Variants in IRAK1BP1 observed in about 807,000 individuals in gnomAD.
IRAK1BP1 encodes the protein interleukin 1 receptor associated kinase 1 binding protein 1.
A neutral mutation model predicts 28.0 loss-of-function variants in IRAK1BP1; 24 were observed. That is an observed-to-expected ratio of 0.86 (90% CI 0.62 to 1.20). The LOEUF is 1.20. Among genes scored for constraint, IRAK1BP1 ranks in the 50% most tolerant of loss-of-function variants. IRAK1BP1 has a pLI of 0.00. For missense variants in IRAK1BP1, 336 were observed against 316.7 expected, an observed-to-expected ratio of 1.06 and a Z score of -0.46; for synonymous variants, 131 against 116.3, an observed-to-expected ratio of 1.13 and a Z score of -0.81.
chr6:78,910,946 G>T (rs549848300), intron 4 of IRAK1BP1, among the ~76,000 whole-genome samples: 5 of 152,234 alleles, frequency 3.3e-5, no homozygotes, highest in Non-Finnish European at 7.3e-5. Flanking sequence ...TACTGGCACC[G>T]GGTCCTGGAC....
At chr6:78,961,561 T>C in the IRAK1BP1 span, 2 of 831,940 alleles carry the variant, frequency 2.4e-6, no homozygotes, top group African/African-American at 3.6e-5. Context: ...TTCTACATTT[T>C]AACATAATCC....
At chr6:78,876,241 T>C (rs570638663) in intron 1 of IRAK1BP1, among the ~76,000 whole-genome samples, 12 of 152,330 alleles carry the variant, frequency 7.9e-5, no homozygotes, top group Non-Finnish European at 1.6e-4. Context: ...TGCCAACATG[T>C]AAGACGTGCC....
At chr6:78,889,273 C>T (rs559390698) in intron 2 of IRAK1BP1, among the ~76,000 whole-genome samples, 1 of 151,876 alleles carries the variant, frequency 6.6e-6, no homozygotes, top group Non-Finnish European at 1.5e-5. Context: ...AAATATTAAA[C>T]TCAAGATGGG....
the IRAK1BP1 span, among the ~76,000 whole-genome samples, chr6:78,973,955 T>C: frequency 6.6e-6 from 1 of 151,918 alleles, no homozygotes; most frequent in East Asian, 1.9e-4. Flanking sequence ...CTGTCAACAT[T>C]AGACAGATCA....
intron 4 of IRAK1BP1, among the ~76,000 whole-genome samples, chr6:78,943,757 G>A (rs1773637071): frequency 2.0e-5 from 3 of 151,970 alleles, no homozygotes; most frequent in South Asian, 4.1e-4. Flanking sequence ...GAGGCCGAGT[G>A]GGGTGGATCA....
chr6:78,929,665 C>A (rs1038347674), intron 4 of IRAK1BP1, among the ~76,000 whole-genome samples: 1 of 151,992 alleles, frequency 6.6e-6, no homozygotes. Context: ...GCTCATGTAC[C>A]CTCTGAATCT....
At chr6:78,963,046 T>C in the IRAK1BP1 span, 1 of 1,494,398 alleles carries the variant, frequency 6.7e-7, no homozygotes, top group East Asian at 2.4e-5. Flanking sequence ...TATTTTTCCA[T>C]TACTTTGTGT....
exon 5 of IRAK1BP1, chr6:78,945,691 G>A (rs1773774645): frequency 1.6e-6 from 1 of 611,930 alleles, no homozygotes; most frequent in East Asian, 2.9e-5. Context: ...AGCCCTTTTA[G>A]AAGCTGTCCC....
intron 4 of IRAK1BP1, among the ~76,000 whole-genome samples, chr6:78,924,657 C>A (rs1772837744): frequency 6.6e-6 from 1 of 152,108 alleles, no homozygotes; most frequent in Non-Finnish European, 1.5e-5. Flanking sequence ...AACATTGATG[C>A]AAAAATCCTT....
At chr6:78,872,321 G>C (rs2127665059) in intron 1 of IRAK1BP1, among the ~76,000 whole-genome samples, 1 of 152,244 alleles carries the variant, frequency 6.6e-6, no homozygotes, top group East Asian at 1.9e-4. Context: ...CTTTGTCTTA[G>C]GATATGTTTC....
At chr6:78,926,614 T>C (rs1772898008) in intron 4 of IRAK1BP1, among the ~76,000 whole-genome samples, 1 of 152,104 alleles carries the variant, frequency 6.6e-6, no homozygotes, top group African/African-American at 2.4e-5. Context: ...ATAGTCACCC[T>C]GTTGTGCTAT....
downstream of IRAK1BP1, among the ~76,000 whole-genome samples, chr6:78,948,378 G>A (rs1026525147): frequency 3.9e-5 from 6 of 152,026 alleles, no homozygotes; most frequent in Admixed American, 6.6e-5. Flanking sequence ...GTAACAGATT[G>A]GAACCAATAA....
intron 2 of IRAK1BP1, among the ~76,000 whole-genome samples, chr6:78,896,686 A>G (rs1771894276): frequency 6.6e-6 from 1 of 151,956 alleles, no homozygotes; most frequent in African/African-American, 2.4e-5. Flanking sequence ...TTCACTAGGC[A>G]TGGTGGCACG....
intron 1 of IRAK1BP1, among the ~76,000 whole-genome samples, chr6:78,874,148 A>G (rs895092115): frequency 6.6e-6 from 1 of 152,222 alleles, no homozygotes; most frequent in Non-Finnish European, 1.5e-5. Context: ...TCCTGCAACC[A>G]TATTTATTTT....
At chr6:78,953,346 C>T in the IRAK1BP1 span, among the ~76,000 whole-genome samples, 1 of 152,186 alleles carries the variant, frequency 6.6e-6, no homozygotes, top group Non-Finnish European at 1.5e-5. Context: ...AGTGTTAATA[C>T]TTGTGCCTCT....
intron 2 of IRAK1BP1, among the ~76,000 whole-genome samples, chr6:78,891,681 C>G (rs529211769): frequency 1.4e-4 from 21 of 152,202 alleles, no homozygotes; most frequent in African/African-American, 5.1e-4. Flanking sequence ...GGGCTGGTCT[C>G]GAACTCCTGG....
rs1226598949 is a variant in IRAK1BP1 at position 78,902,118 on chromosome 6, A to G, written c.*3784A>G. The G allele has an allele frequency of 6.6e-6, 1 of 152,202 alleles. No homozygotes were observed. Among genetic ancestry groups the G allele is most frequent in the Non-Finnish European group, 1.5e-5 (1 of 68,042 alleles). 9.4% of individuals were successfully genotyped at this position (152,202 alleles called of 1,614,324 possible). A position where few individuals can be genotyped will look rare whatever the true frequency, so the allele number is the denominator to read the frequency against. On this transcript the variant is annotated 3_prime_UTR_variant, in exon 4 of 4. Coordinates refer to ENST00000369940, the MANE Select transcript of IRAK1BP1 (RefSeq NM_001010844.4). ...CATTTAGACATTTACTATTACATATATGGTATTTGCAACCAAATCACTGAG... is the reference window on the plus strand; with the variant it reads ...CATTTAGACATTTACTATTACATATGTGGTATTTGCAACCAAATCACTGAG...
At chr6:78,870,113 A>C (rs1490065753) in intron 1 of IRAK1BP1, among the ~76,000 whole-genome samples, 6 of 58,506 alleles carry the variant, frequency 1.0e-4, no homozygotes, top group East Asian at 6.7e-4. Flanking sequence ...CCGTCCCAAA[A>C]AAAAAAAAAA....
chr6:78,973,412 G>A, the IRAK1BP1 span, among the ~76,000 whole-genome samples: 42,955 of 146,290 alleles, frequency 0.29, 6,593 homozygotes, highest in Non-Finnish European at 0.35. Context: ...GGTACCAGCC[G>A]CTGCAAAATC....
Sources: gnomAD v4.1 joint callset for allele counts (sites outside exome capture counted in the v4.1 genomes callset) on GRCh38, gnomAD v4.1.1 for gene constraint, MANE v1.5 for transcripts, NCBI Gene and HGNC (gene_info 2026-07-23, HGNC 2026-07-21) for gene names.